Variants in NDUFAF6 observed in about 807,000 individuals in gnomAD.
NDUFAF6 encodes NADH dehydrogenase (ubiquinone) complex I, assembly factor 6.
A neutral mutation model predicts 40.8 loss-of-function variants in NDUFAF6; 45 were observed. The observed-to-expected ratio is 1.10, with a 90% CI of 0.87 to 1.42. The LOEUF (loss-of-function observed/expected upper bound fraction) is 1.42. Among genes scored for constraint, NDUFAF6 ranks in the 40% most tolerant of loss-of-function variants. The probability of loss-of-function intolerance (pLI) is 0.00; values close to 1 mark genes in which losing one functional copy is unlikely to be tolerated. For missense variants in NDUFAF6, 435 were observed against 418.5 expected (o/e 1.04, Z -0.34); for synonymous variants, 185 against 155.9 (o/e 1.19, Z -1.39).
chr8:95,043,564 G>A (rs892563077), intron 4 of NDUFAF6, among the ~76,000 whole-genome samples: 3 of 152,066 alleles, frequency 2.0e-5, no homozygotes, highest in African/African-American at 2.4e-5. Flanking sequence ...TTTAAAAATG[G>A]GGAAAGGATT....
intron 1 of NDUFAF6, chr8:94,975,243 C>T (rs3802192): frequency 0.14 from 21,922 of 152,214 alleles, 1,739 homozygotes; most frequent in Middle Eastern, 0.22. Flanking sequence ...CAGGTGGCTT[C>T]CTTGAGCTGA....
intron 3 of NDUFAF6, chr8:95,036,224 A>G (rs1377324576): frequency 8.7e-7 from 1 of 1,147,330 alleles, no homozygotes; most frequent in Non-Finnish European, 1.1e-6. Flanking sequence ...CACATGGCTT[A>G]GAAATATTCT....
chr8:94,929,428 A>G (rs1050729468), intron 1 of NDUFAF6: 5 of 152,244 alleles, frequency 3.3e-5, no homozygotes, highest in South Asian at 2.1e-4. Flanking sequence ...TAAAAAAAAA[A>G]AAAGAAAAAA....
chr8:95,074,217 A>G lies in NDUFAF6; in HGVS notation c.*512-1416A>G, dbSNP rs190438557. On this transcript the variant is annotated intron_variant and NMD_transcript_variant, in intron 9 of 9. Coordinates refer to the NDUFAF6 transcript ENST00000520757. ...TTCTCTATAATAAGGTTTTAAAAAG[A>G]AGGAGAAAAAAAAATGGATATATTC... Among the ~76,000 whole-genome samples the G allele has an allele frequency of 4.1e-4, 62 of 151,858 alleles. 1 individual carries two copies. Among genetic ancestry groups the G allele is most frequent in the Non-Finnish European group, 2.1e-4 (14 of 68,006 alleles).
chr8:94,973,855 TAAAAAA>T (rs754972680), intron 1 of NDUFAF6, among the ~76,000 whole-genome samples: 1 of 125,342 alleles, frequency 8.0e-6, no homozygotes. Context: ...CCCCTGTCTC[TAAAAAA>T]AAAAAAAAAA....
At chr8:95,035,629 C>T (rs1311500431) in intron 3 of NDUFAF6, 53 bp downstream of exon 3, 2 of 1,538,716 alleles carry the variant, frequency 1.3e-6, no homozygotes, top group Non-Finnish European at 1.8e-6. Flanking sequence ...TTCGAGTCTA[C>T]TTTTTGATGG....
intron 1 of NDUFAF6, chr8:94,930,649 G>C: frequency 1.2e-6 from 2 of 1,614,196 alleles, no homozygotes; most frequent in Non-Finnish European, 1.7e-6. Context: ...CTCTTGGGTT[G>C]TTCCAGAAAA....
downstream of NDUFAF6, among the ~76,000 whole-genome samples, chr8:95,059,774 G>A (rs1387023428): frequency 6.6e-6 from 1 of 152,106 alleles, no homozygotes; most frequent in African/African-American, 2.4e-5. Flanking sequence ...ACATGAACCT[G>A]GGAGGTAGAG....
exon 3 of NDUFAF6, chr8:95,103,188 C>G (rs1249630072): frequency 1.3e-5 from 2 of 152,158 alleles, no homozygotes; most frequent in Admixed American, 6.5e-5. Flanking sequence ...TCTGATTGGT[C>G]AGCCCTTAGG....
chr8:95,004,001 A>G (rs191592628), intron 2 of NDUFAF6, among the ~76,000 whole-genome samples: 2 of 152,278 alleles, frequency 1.3e-5, no homozygotes, highest in African/African-American at 4.8e-5. Flanking sequence ...GTCACAGACT[A>G]CACGTTCAGT....
chr8:95,040,693 T>C (rs1830048511), intron 3 of NDUFAF6: 1 of 152,256 alleles, frequency 6.6e-6, no homozygotes, highest in African/African-American at 2.4e-5. Context: ...CATGTACTGA[T>C]TTTGGTGTTC....
At position 95,046,840 on chromosome 8, in the gene NDUFAF6, T is replaced by C. The variant is rs368353812; in HGVS notation, c.581-154T>C. Reference sequence around the variant, plus strand: ...CTAGTGGTAAATGGTCAACTTGTTATTGTGCCCAGTTTTTCACTCATAAAT... The same window carrying C: ...CTAGTGGTAAATGGTCAACTTGTTACTGTGCCCAGTTTTTCACTCATAAAT... On this transcript the variant is annotated intron_variant, in intron 5 of 8. Transcript: ENST00000396124. Among the ~76,000 whole-genome samples the C allele has an allele frequency of 7.9e-5, 12 of 152,362 alleles. No individual in the cohort carries two copies. In the East Asian group the frequency reaches 1.3e-3, roughly 17 times the overall value.
intron 3 of NDUFAF6, among the ~76,000 whole-genome samples, chr8:95,038,782 A>G (rs550578813): frequency 2.0e-5 from 3 of 151,882 alleles, no homozygotes; most frequent in Non-Finnish European, 4.4e-5. Flanking sequence ...GGTTCAAGCA[A>G]TTCTCCTGCC....
At chr8:95,026,931 C>G (rs1828216634) in intron 1 of NDUFAF6, among the ~76,000 whole-genome samples, 1 of 150,150 alleles carries the variant, frequency 6.7e-6, no homozygotes. Context: ...CCTGTGGTCC[C>G]AGCTACTGCG....
chr8:95,008,873 T>C (rs1827113282), intron 2 of NDUFAF6, among the ~76,000 whole-genome samples: 1 of 152,138 alleles, frequency 6.6e-6, no homozygotes, highest in Non-Finnish European at 1.5e-5. Context: ...TCATGTACAT[T>C]TCATTACAAT....
chr8:94,902,626 A>G (rs1035596714), intron 1 of NDUFAF6, among the ~76,000 whole-genome samples: 2 of 151,626 alleles, frequency 1.3e-5, no homozygotes, highest in African/African-American at 2.4e-5. Context: ...TTTAATTATT[A>G]GCTATTGTGA....
chr8:95,008,557 A>C (rs572030965), intron 2 of NDUFAF6, among the ~76,000 whole-genome samples: 45 of 152,320 alleles, frequency 3.0e-4, no homozygotes, highest in African/African-American at 1.0e-3. Context: ...CCCAGGCTGG[A>C]ATGCAGTGGC....
At chr8:94,942,141 A>G (rs1173286871) in intron 1 of NDUFAF6, among the ~76,000 whole-genome samples, 2 of 151,076 alleles carry the variant, frequency 1.3e-5, no homozygotes, top group East Asian at 3.9e-4. Flanking sequence ...GGTTCACGCC[A>G]TTCTCCTGCC....
intron 2 of NDUFAF6, chr8:94,950,855 C>G (rs1035684579): frequency 1.3e-5 from 2 of 152,104 alleles, no homozygotes; most frequent in African/African-American, 4.8e-5. Context: ...AGAAAAAGGC[C>G]TACCTTTTTC....
Sources: allele counts gnomAD v4.1 joint callset (sites outside exome capture counted in the v4.1 genomes callset), GRCh38; gene constraint gnomAD v4.1.1; transcripts MANE v1.5; gene names NCBI Gene and HGNC (gene_info 2026-07-23, HGNC 2026-07-21).